The following AMOTL1 variants were observed in gnomAD, a reference collection of about 807,000 sequenced individuals.
AMOTL1 encodes the protein angiomotin-like protein 1.
AMOTL1 carries 45 observed loss-of-function variants against 102.9 expected under a neutral mutation model. The observed-to-expected ratio is 0.44, with a 90% confidence interval of 0.34 to 0.56. AMOTL1 has a LOEUF of 0.56. AMOTL1 is among the 20% of genes least tolerant of loss of function. AMOTL1 has a pLI of 0.01. For synonymous variants in AMOTL1, 481 were observed against 484.7 expected (o/e 0.99, Z 0.10); for missense variants, 1,114 against 1,225.6 (o/e 0.91, Z 1.36).
At position 94,795,650 on chromosome 11, in the gene AMOTL1, A is replaced by G. The variant is rs529555838; in HGVS notation, c.199+490A>G. Among the ~76,000 whole-genome samples the G allele has an allele frequency of 5.9e-5, 9 of 152,302 alleles. No individual in the cohort carries two copies. In the East Asian group the frequency reaches 1.7e-3, roughly 29 times the overall value. On this transcript the variant is annotated intron_variant, in intron 2 of 12. Transcript: ENST00000433060. ...TAAACTGTGAGGGAATCTTTAAACC[A>G]CTTTAGGGAAGGATGTCATGGTTCT...
At chr11:94,771,245 CT>C (rs1356540708) in intron 1 of AMOTL1, among the ~76,000 whole-genome samples, 1 of 26,452 alleles carries the variant, frequency 3.8e-5, no homozygotes, top group Admixed American at 5.2e-4. Flanking sequence ...ATTTTCTTTT[CT>C]TTTTGGCGGG....
At chr11:94,771,259 T>TGCG (rs1555067541) in intron 1 of AMOTL1, among the ~76,000 whole-genome samples, 2 of 96,880 alleles carry the variant, frequency 2.1e-5, no homozygotes, top group African/African-American at 3.6e-5. Flanking sequence ...TTGGCGGGGT[T>TGCG]GGGGGGGGGG....
chr11:94,861,931 C>A (rs774479825), intron 9 of AMOTL1, among the ~76,000 whole-genome samples: 13 of 151,970 alleles, frequency 8.6e-5, no homozygotes, highest in Admixed American at 2.6e-4. Context: ...AGAACCAGAC[C>A]CAGTCACAAT....
chr11:94,751,176 A>G (rs1950649460), intron 3 of AMOTL1, among the ~76,000 whole-genome samples: 1 of 152,202 alleles, frequency 6.6e-6, no homozygotes, highest in African/African-American at 2.4e-5. Flanking sequence ...GATATTCAGT[A>G]CGTATTTCTT....
At chr11:94,714,978 T>G (rs958489085) in intron 1 of AMOTL1, among the ~76,000 whole-genome samples, 2 of 152,134 alleles carry the variant, frequency 1.3e-5, no homozygotes, top group Non-Finnish European at 2.9e-5. Flanking sequence ...TTGCGATTAT[T>G]TCTCTTTTCT....
chr11:94,797,687 A>T (rs1252542239), intron 2 of AMOTL1, among the ~76,000 whole-genome samples: 2 of 152,186 alleles, frequency 1.3e-5, no homozygotes, highest in Non-Finnish European at 1.5e-5. Context: ...ATATGGTGAG[A>T]TGCATTTTTC....
chr11:94,852,013 C>A (rs1952549734), intron 7 of AMOTL1, among the ~76,000 whole-genome samples: 1 of 152,166 alleles, frequency 6.6e-6, no homozygotes, highest in African/African-American at 2.4e-5. Context: ...CCAGTGGAGA[C>A]CAAAATAGGC....
At position 94,771,267 on chromosome 11, in the gene AMOTL1, G is replaced by GC. The variant is rs1555067585; in HGVS notation, c.49+2707_49+2708insC. 7.1e-4 allele frequency among the ~76,000 whole-genome samples: 102 copies of GC among 143,330 alleles called. 2 individuals carry two copies. Among genetic ancestry groups the GC allele is most frequent in the Admixed American group, 5.0e-3 (72 of 14,528 alleles). The allele number at this position is 143,330 out of a possible 152,430, so 94.0% of individuals were successfully genotyped here. A position where few individuals can be genotyped will look rare whatever the true frequency, so the allele number is the denominator to read the frequency against. ...TTTCTTTTTGGCGGGGTTGGGGGGGGGGTGCGGTGTGTGGCTATCTGCATT... is the reference window on the plus strand; with the variant it reads ...TTTCTTTTTGGCGGGGTTGGGGGGGGCGGTGCGGTGTGTGGCTATCTGCATT... On this transcript the variant is annotated intron_variant, in intron 1 of 12. Coordinates refer to ENST00000433060, the MANE Select transcript of AMOTL1 (RefSeq NM_130847.3).
intron 9 of AMOTL1, among the ~76,000 whole-genome samples, chr11:94,862,664 T>A (rs1315426898): frequency 6.6e-6 from 1 of 152,250 alleles, no homozygotes; most frequent in Non-Finnish European, 1.5e-5. Flanking sequence ...GTTGCTTTCC[T>A]CTAATTGTGT....
At chr11:94,822,554 A>G (rs1344658047) in intron 4 of AMOTL1, among the ~76,000 whole-genome samples, 1 of 152,222 alleles carries the variant, frequency 6.6e-6, no homozygotes, top group Non-Finnish European at 1.5e-5. Context: ...CTCTGCAAAA[A>G]GCAGCCTTGC....
At chr11:94,771,490 T>G (rs1950951019) in intron 1 of AMOTL1, among the ~76,000 whole-genome samples, 1 of 152,124 alleles carries the variant, frequency 6.6e-6, no homozygotes, top group South Asian at 2.1e-4. Context: ...AGTCTGAGGT[T>G]GTTGTGGTTT....
At position 94,756,712 on chromosome 11, in the gene AMOTL1, A is replaced by G. The variant is rs12418429; in HGVS notation, c.136+15724A>G. On this transcript the variant is annotated intron_variant, in intron 3 of 4. Transcript: ENST00000299004. ...AGGTTGTCATTATTATTATGTCTTA[A>G]TCTTCTCTTTTCTACACTAGATATG... 4.6e-5 allele frequency among the ~76,000 whole-genome samples: 7 copies of G among 152,110 alleles called. 1 individual carries two copies. Among genetic ancestry groups the G allele is most frequent in the Admixed American group, 4.6e-4 (7 of 15,266 alleles).
In AMOTL1 at chr11:94,798,560, C is replaced by A. The variant is rs982696042; in HGVS notation, c.200-830C>A. Among the ~76,000 whole-genome samples, 16 of 152,014 alleles carry A rather than the reference C, an allele frequency of 1.1e-4. 1 individual carries two copies. Among genetic ancestry groups the A allele is most frequent in the Admixed American group, 6.6e-5 (1 of 15,262 alleles). On this transcript the variant is annotated intron_variant, in intron 2 of 12. Coordinates refer to ENST00000433060, the MANE Select transcript of AMOTL1 (RefSeq NM_130847.3). ...CATGTTGAGTTAGAAGGACTCAGGG[C>A]CATCGTCTGGCAGTTGTAGATGTAT...
chr11:94,710,544 G>C (rs984734312), intron 1 of AMOTL1, among the ~76,000 whole-genome samples: 24 of 152,170 alleles, frequency 1.6e-4, no homozygotes, highest in Admixed American at 1.6e-3. Context: ...TCTGTGTTAC[G>C]TAAATGAATA....
chr11:94,861,575 C>A lies in AMOTL1; in HGVS notation c.2135+1860C>A, dbSNP rs1261830713. Among the ~76,000 whole-genome samples the A allele has an allele frequency of 3.3e-5, 5 of 152,202 alleles. No individual in the cohort carries two copies. In the East Asian group the frequency reaches 9.6e-4, roughly 29 times the overall value. Reference sequence around the variant, plus strand: ...ACCTGCGCTCAGGGCTTCTCCCTCCCTTCCTGACTGTGCGTGTGTGATCTG... The same window carrying A: ...ACCTGCGCTCAGGGCTTCTCCCTCCATTCCTGACTGTGCGTGTGTGATCTG... On this transcript the variant is annotated intron_variant, in intron 9 of 12. Coordinates refer to ENST00000433060, the MANE Select transcript of AMOTL1 (RefSeq NM_130847.3).
intron 3 of AMOTL1, among the ~76,000 whole-genome samples, chr11:94,812,851 C>G (rs545166480): frequency 6.6e-6 from 1 of 152,084 alleles, no homozygotes; most frequent in Admixed American, 6.6e-5. Flanking sequence ...TTGATCTCAA[C>G]CACTGGGTCG....
Position 94,768,454 on chromosome 11 carries a change from C to G in AMOTL1, c.-58C>G, listed in dbSNP as rs1294797685. 1 of 1,554,492 alleles carries G rather than the reference C, an allele frequency of 6.4e-7. No homozygotes were observed. ...GGTTGATTGTCCGGCGCCACTTCCC[C>G]GCGCTGCCCGGCAGCCGTCTTCCCC... On this transcript the variant is annotated 5_prime_UTR_variant, in exon 1 of 13. Transcript: ENST00000433060.
chr11:94,797,949 G>A (rs1406654642), intron 2 of AMOTL1, among the ~76,000 whole-genome samples: 2 of 152,114 alleles, frequency 1.3e-5, no homozygotes, highest in African/African-American at 4.8e-5. Context: ...TTCTCTATTG[G>A]AACAATCTTT....
At chr11:94,744,659 T>A (rs1001444888) in intron 3 of AMOTL1, among the ~76,000 whole-genome samples, 26 of 152,332 alleles carry the variant, frequency 1.7e-4, no homozygotes, top group African/African-American at 5.8e-4. Flanking sequence ...TTTTTGTTAA[T>A]GTATATCTGT....
Sources: gnomAD v4.1 joint callset for allele counts (sites outside exome capture counted in the v4.1 genomes callset) on GRCh38, gnomAD v4.1.1 for gene constraint, MANE v1.5 for transcripts, NCBI Gene and HGNC (gene_info 2026-07-23, HGNC 2026-07-21) for gene names.